GALNT13: variants seen among roughly 807,000 people sequenced by gnomAD.
GALNT13 encodes the protein UDP-GalNAc:polypeptide N-acetylgalactosaminyltransferase 13.
In GALNT13, 28 loss-of-function variants were observed where a neutral mutation model predicts 64.2. The observed-to-expected ratio is 0.44, with a 90% CI of 0.32 to 0.60. GALNT13 has a LOEUF of 0.60. GALNT13 is among the 20% of genes least tolerant of loss of function. The probability of loss-of-function intolerance (pLI) is 0.05; values close to 1 mark genes in which losing one functional copy is unlikely to be tolerated. For missense variants in GALNT13, 577 were observed against 669.8 expected (o/e 0.86, Z 1.53); for synonymous variants, 214 against 224.6 (o/e 0.95, Z 0.42).
the GALNT13 span, among the ~76,000 whole-genome samples, chr2:153,445,693 A>G: frequency 1.3e-5 from 2 of 152,110 alleles, no homozygotes; most frequent in African/African-American, 4.8e-5. Flanking sequence ...TGATTTTTTA[A>G]TATACAAATT....
the GALNT13 span, among the ~76,000 whole-genome samples, chr2:153,492,416 A>G: frequency 6.6e-6 from 1 of 152,248 alleles, no homozygotes; most frequent in African/African-American, 2.4e-5. Flanking sequence ...TAGCAAACCT[A>G]TTGAAGAACA....
At chr2:153,771,687 T>C in the GALNT13 span, among the ~76,000 whole-genome samples, 63 of 152,252 alleles carry the variant, frequency 4.1e-4, no homozygotes, top group Non-Finnish European at 6.9e-4. Context: ...ATAATCCAGG[T>C]GAGCAGGTGT....
the GALNT13 span, among the ~76,000 whole-genome samples, chr2:153,169,580 G>A: frequency 6.6e-6 from 1 of 152,122 alleles, no homozygotes; most frequent in East Asian, 1.9e-4. Flanking sequence ...GATTAGGAAA[G>A]CTGTAGCTCA....
chr2:154,437,463 A>G (rs1008080706), intron 11 of GALNT13: 2 of 1,050,748 alleles, frequency 1.9e-6, no homozygotes, highest in African/African-American at 3.4e-5. Flanking sequence ...CTCATTATGT[A>G]TTCTGTTGAC....
intron 3 of GALNT13, among the ~76,000 whole-genome samples, chr2:154,043,453 T>TACACACAC (rs1451883209): frequency 7.5e-5 from 7 of 93,780 alleles, no homozygotes; most frequent in African/African-American, 3.5e-4. Flanking sequence ...TATATATATA[T>TACACACAC]ATACACACAT....
At chr2:153,161,649 C>T in the GALNT13 span, among the ~76,000 whole-genome samples, 86 of 151,894 alleles carry the variant, frequency 5.7e-4, no homozygotes, top group African/African-American at 2.0e-3. Context: ...GGCAGGAATG[C>T]GTCTGGTGTG....
At chr2:154,065,584 G>T (rs1484765409) in intron 3 of GALNT13, among the ~76,000 whole-genome samples, 2 of 152,194 alleles carry the variant, frequency 1.3e-5, no homozygotes, top group Non-Finnish European at 2.9e-5. Flanking sequence ...GTAATCCAGA[G>T]AATTCTTTTG....
intron 4 of GALNT13, among the ~76,000 whole-genome samples, chr2:154,175,143 A>G (rs989334734): frequency 6.6e-6 from 1 of 152,164 alleles, no homozygotes; most frequent in East Asian, 1.9e-4. Flanking sequence ...TGAGCCAAAC[A>G]TCTGCATATT....
At chr2:153,840,585 A>G in the GALNT13 span, among the ~76,000 whole-genome samples, 1 of 152,164 alleles carries the variant, frequency 6.6e-6, no homozygotes, top group Non-Finnish European at 1.5e-5. Flanking sequence ...AAGATGGCAC[A>G]TGCATTTGGG....
chr2:154,417,009 A>G (rs149468262), intron 11 of GALNT13, among the ~76,000 whole-genome samples: 2 of 152,018 alleles, frequency 1.3e-5, no homozygotes, highest in East Asian at 1.9e-4. Flanking sequence ...TTTCTCTCTC[A>G]TCTTTCATCA....
chr2:154,313,433 T>C, intron 9 of GALNT13, among the ~76,000 whole-genome samples: 1 of 65,174 alleles, frequency 1.5e-5, no homozygotes, highest in East Asian at 1.4e-3. Context: ...TATATATATA[T>C]ATATACACAC....
the GALNT13 span, among the ~76,000 whole-genome samples, chr2:153,634,098 T>C: frequency 6.6e-6 from 1 of 152,248 alleles, no homozygotes; most frequent in African/African-American, 2.4e-5. Context: ...TGGTGAATTG[T>C]CAGGAACACA....
At position 153,877,468 on chromosome 2, in the gene GALNT13, T is replaced by C. The variant is rs981307736; in HGVS notation, c.-177+5165T>C. ...AAAAGCATAGCACAATCAAAAATCATCCAAATAACATCTTGAAGATAGTAG... is the reference window on the plus strand; with the variant it reads ...AAAAGCATAGCACAATCAAAAATCACCCAAATAACATCTTGAAGATAGTAG... On this transcript the variant is annotated intron_variant, in intron 1 of 12. Transcript: ENST00000392825. Among the ~76,000 whole-genome samples, 4 of 152,138 alleles carry C rather than the reference T, an allele frequency of 2.6e-5. 1 individual carries two copies. The highest frequency in any genetic ancestry group is 5.9e-5 in the Non-Finnish European group (4 of 67,988).
chr2:154,173,230 G>A (rs1490344726), intron 4 of GALNT13, among the ~76,000 whole-genome samples: 1 of 151,878 alleles, frequency 6.6e-6, no homozygotes, highest in East Asian at 1.9e-4. Flanking sequence ...ACTGGGGAAT[G>A]AACAGTCTCT....
At chr2:153,995,718 A>C (rs1202965084) in intron 3 of GALNT13, among the ~76,000 whole-genome samples, 2 of 152,118 alleles carry the variant, frequency 1.3e-5, no homozygotes, top group Admixed American at 6.6e-5. Context: ...AATATGCAAT[A>C]CATTGCTATT....
intron 7 of GALNT13, among the ~76,000 whole-genome samples, chr2:154,255,402 A>G (rs1690317115): frequency 6.6e-6 from 1 of 152,186 alleles, no homozygotes; most frequent in African/African-American, 2.4e-5. Flanking sequence ...ACAGAGTAGT[A>G]AGGTGGAATG....
rs1333119509 is a variant in GALNT13 at position 154,450,340 on chromosome 2, A to G, written c.1531-71A>G. ...AATCATAAAGGATTTTTTAAAGAAC[A>G]GATTTTATCTGATGTGCTAGCAAAG... On this transcript the variant is annotated intron_variant, in intron 12 of 12. Coordinates refer to ENST00000392825, the MANE Select transcript of GALNT13 (RefSeq NM_052917.4). The G allele has an allele frequency of 2.2e-6, 3 of 1,378,066 alleles. No homozygotes were observed. The East Asian group carries it at 6.9e-5, about 32-fold the overall frequency. 85.4% of individuals were successfully genotyped at this position (1,378,066 alleles called of 1,614,324 possible).
chr2:153,679,436 C>T, the GALNT13 span, among the ~76,000 whole-genome samples: 1 of 151,930 alleles, frequency 6.6e-6, no homozygotes, highest in African/African-American at 2.4e-5. Context: ...TGGCAAATGT[C>T]TTTGCCTGAG....
the GALNT13 span, among the ~76,000 whole-genome samples, chr2:153,852,992 A>G: frequency 6.6e-6 from 1 of 152,156 alleles, no homozygotes; most frequent in Admixed American, 6.5e-5. Flanking sequence ...TGTGAGTCCC[A>G]TAACCTCAAA....
Sources: allele counts gnomAD v4.1 joint callset (sites outside exome capture counted in the v4.1 genomes callset), GRCh38; gene constraint gnomAD v4.1.1; transcripts MANE v1.5; gene names NCBI Gene and HGNC (gene_info 2026-07-23, HGNC 2026-07-21).